Variants in DNAJC1 observed in about 807,000 individuals in gnomAD.
DNAJC1 encodes the protein DnaJ heat shock protein family (Hsp40) member C1.
DNAJC1 carries 58 observed loss-of-function variants against 76.6 expected under a neutral mutation model. The observed-to-expected ratio is 0.76, with a 90% CI of 0.61 to 0.94. The LOEUF (loss-of-function observed/expected upper bound fraction) is 0.94, where lower values mean the gene tolerates loss of function less well. Ranked by LOEUF, DNAJC1 falls within the 40% of genes least tolerant of loss-of-function variation. DNAJC1 has a pLI of 0.00. For missense variants in DNAJC1, 689 were observed against 677.3 expected (o/e 1.02, Z -0.19); for synonymous variants, 258 against 267.9 (o/e 0.96, Z 0.36).
chr10:21,853,801 A>AT (rs1457409724), intron 8 of DNAJC1, among the ~76,000 whole-genome samples: 1 of 150,204 alleles, frequency 6.7e-6, no homozygotes, highest in Non-Finnish European at 1.5e-5. Flanking sequence ...AAAAAAAAAA[A>AT]AAAAAAAAAA....
chr10:21,840,997 TG>T (rs1184002864), intron 8 of DNAJC1, among the ~76,000 whole-genome samples: 1 of 152,142 alleles, frequency 6.6e-6, no homozygotes, highest in Non-Finnish European at 1.5e-5. Flanking sequence ...AAACAAGCAA[TG>T]GGGAAAGGAC....
intron 7 of DNAJC1, among the ~76,000 whole-genome samples, chr10:21,885,909 C>T (rs1440344228): frequency 1.3e-5 from 2 of 152,100 alleles, no homozygotes; most frequent in Non-Finnish European, 2.9e-5. Flanking sequence ...AACAACCTAA[C>T]ATCACAACGG....
intron 8 of DNAJC1, among the ~76,000 whole-genome samples, chr10:21,844,940 G>GGACTGCTTGTGCACAGGAGGTGC (rs1375852948): frequency 1.3e-5 from 2 of 152,164 alleles, no homozygotes; most frequent in African/African-American, 4.8e-5. Context: ...TGGAGCAGGA[G>GGACTGCTTGTGCACAGGAGGTGC]GACTGCTTGT....
chr10:21,996,082 T>G (rs1838411702), intron 1 of DNAJC1, among the ~76,000 whole-genome samples: 1 of 152,204 alleles, frequency 6.6e-6, no homozygotes. Flanking sequence ...AATATGACTG[T>G]GACTTCATTA....
At chr10:21,981,186 T>A (rs1207353202) in intron 1 of DNAJC1, among the ~76,000 whole-genome samples, 1 of 152,184 alleles carries the variant, frequency 6.6e-6, no homozygotes, top group African/African-American at 2.4e-5. Flanking sequence ...CGTTTTATAT[T>A]TGTGCAAATG....
intron 9 of DNAJC1, among the ~76,000 whole-genome samples, chr10:21,783,290 A>T (rs555520619): frequency 7.0e-4 from 107 of 152,190 alleles, no homozygotes; most frequent in African/African-American, 2.3e-3. Context: ...ATGAGTGAAC[A>T]CCCATTCACA....
At chr10:21,837,900 C>T (rs1203035759) in intron 8 of DNAJC1, among the ~76,000 whole-genome samples, 1 of 148,450 alleles carries the variant, frequency 6.7e-6, no homozygotes, top group African/African-American at 2.4e-5. Context: ...GGCCAGCCGC[C>T]CCGTCCGGGA....
chr10:21,829,198 T>C (rs1453771799), intron 8 of DNAJC1, among the ~76,000 whole-genome samples: 3 of 150,350 alleles, frequency 2.0e-5, no homozygotes, highest in East Asian at 3.9e-4. Context: ...GCCCAGCTGA[T>C]TTTTTTGTTG....
In DNAJC1 at chr10:21,759,657, G is replaced by T. The variant is rs991176799; in HGVS notation, c.1148-39C>A. Reference sequence around the variant, plus strand: ...TGTGCCACACAGAGGTGAAGGGCAAGGTGAATTAAGGAGACGGTGAGAACA... The same window carrying T: ...TGTGCCACACAGAGGTGAAGGGCAATGTGAATTAAGGAGACGGTGAGAACA... On this transcript the variant is annotated intron_variant, in intron 10 of 11. Coordinates refer to ENST00000376980, the MANE Select transcript of DNAJC1 (RefSeq NM_022365.4). The T allele has an allele frequency of 1.9e-6, 3 of 1,580,430 alleles. No individual in the cohort carries two copies. In the African/African-American group the frequency reaches 4.0e-5, roughly 21 times the overall value.
intron 8 of DNAJC1, among the ~76,000 whole-genome samples, chr10:21,870,708 A>G (rs1431294047): frequency 6.6e-6 from 1 of 152,022 alleles, no homozygotes; most frequent in East Asian, 1.9e-4. Flanking sequence ...CTGGGAGTTC[A>G]AGGCTGCAGT....
chr10:21,776,981 T>A (rs1834460431), intron 9 of DNAJC1, among the ~76,000 whole-genome samples: 1 of 152,206 alleles, frequency 6.6e-6, no homozygotes, highest in African/African-American at 2.4e-5. Flanking sequence ...TGCATTAACA[T>A]GTAATAGCTC....
intron 1 of DNAJC1, among the ~76,000 whole-genome samples, chr10:21,956,818 T>C (rs930188293): frequency 1.2e-5 from 1 of 81,356 alleles, no homozygotes; most frequent in Non-Finnish European, 2.4e-5. Context: ...AGTTTATACA[T>C]AACACACACA....
intron 6 of DNAJC1, among the ~76,000 whole-genome samples, chr10:21,917,342 T>C (rs774494653): frequency 1.6e-4 from 24 of 152,106 alleles, no homozygotes; most frequent in Admixed American, 1.2e-3. Context: ...ACAAGAAATA[T>C]GTTAATTTTA....
chr10:21,901,030 C>T (rs560614284), intron 7 of DNAJC1, among the ~76,000 whole-genome samples: 151 of 152,282 alleles, frequency 9.9e-4, no homozygotes, highest in African/African-American at 3.4e-3. Context: ...TCTGTCCCCC[C>T]ACTTTCTCGC....
intron 7 of DNAJC1, among the ~76,000 whole-genome samples, chr10:21,888,533 C>T (rs186878514): frequency 6.6e-6 from 1 of 152,254 alleles, no homozygotes; most frequent in East Asian, 1.9e-4. Context: ...GGTACATATA[C>T]ATCATGGGAT....
intron 1 of DNAJC1, among the ~76,000 whole-genome samples, chr10:21,990,369 A>T (rs1838308707): frequency 6.6e-6 from 1 of 151,936 alleles, no homozygotes; most frequent in Non-Finnish European, 1.5e-5. Flanking sequence ...GTTTGGATGT[A>T]TTTTTTTTAA....
At chr10:21,778,924 G>C (rs563634878) in intron 9 of DNAJC1, among the ~76,000 whole-genome samples, 6 of 152,350 alleles carry the variant, frequency 3.9e-5, no homozygotes, top group African/African-American at 1.4e-4. Context: ...AACCGTCTTA[G>C]CAAACGGCAC....
chr10:21,975,112 G>C (rs184310736), intron 1 of DNAJC1, among the ~76,000 whole-genome samples: 1 of 152,148 alleles, frequency 6.6e-6, no homozygotes, highest in African/African-American at 2.4e-5. Context: ...GAGGACTTCA[G>C]CATTATATAT....
At chr10:21,960,636 G>A (rs1837775694) in intron 1 of DNAJC1, among the ~76,000 whole-genome samples, 1 of 152,182 alleles carries the variant, frequency 6.6e-6, no homozygotes, top group African/African-American at 2.4e-5. Flanking sequence ...GCTGCAGTAA[G>A]CCAAAGTTGC....
Sources: allele counts gnomAD v4.1 joint callset (sites outside exome capture counted in the v4.1 genomes callset), GRCh38; gene constraint gnomAD v4.1.1; transcripts MANE v1.5; gene names NCBI Gene and HGNC (gene_info 2026-07-23, HGNC 2026-07-21).